GRIN2B: variants seen among roughly 807,000 people sequenced by gnomAD.
GRIN2B encodes glutamate receptor ionotropic, NMDA 2B.
In GRIN2B, 5 loss-of-function variants were observed where a neutral mutation model predicts 114.5. The ratio of observed to expected loss-of-function variants is 0.04; its 90% CI spans 0.02 to 0.09. The LOEUF (loss-of-function observed/expected upper bound fraction) is 0.09. Among genes scored for constraint, GRIN2B ranks in the 10% least tolerant of loss-of-function variants. GRIN2B has a pLI of 1.00. For synonymous variants in GRIN2B, 787 were observed against 745.1 expected, an observed-to-expected ratio of 1.06 and a Z score of -0.92; for missense variants, 1,108 against 1,943.5, an observed-to-expected ratio of 0.57 and a Z score of 8.08.
At chr12:13,937,839 C>T (rs1348554522) in intron 2 of GRIN2B, among the ~76,000 whole-genome samples, 7 of 152,034 alleles carry the variant, frequency 4.6e-5, no homozygotes, top group Admixed American at 6.6e-5. Context: ...GGTGGACAGT[C>T]ATATGAAATT....
rs575657321 is a variant in GRIN2B at position 13,737,302 on chromosome 12, C to A, written c.1010+16015G>T. Among the ~76,000 whole-genome samples the A allele has an allele frequency of 1.5e-3, 224 of 151,868 alleles. 1 individual carries two copies. Among genetic ancestry groups the A allele is most frequent in the African/African-American group, 5.2e-3 (217 of 41,426 alleles). On this transcript the variant is annotated intron_variant, in intron 4 of 13. Transcript: ENST00000609686. ...TCTCGGCTCACTGCAAGCTCCACCT[C>A]CCAGGTTCACACCATTCTCCTGCCT...
intron 4 of GRIN2B, among the ~76,000 whole-genome samples, chr12:13,744,500 A>G (rs1339596057): frequency 6.6e-6 from 1 of 152,204 alleles, no homozygotes; most frequent in Non-Finnish European, 1.5e-5. Flanking sequence ...AAAAGCTTTA[A>G]ATGAAAGCTG....
intron 10 of GRIN2B, among the ~76,000 whole-genome samples, chr12:13,577,405 G>A (rs1454155662): frequency 3.9e-5 from 6 of 152,174 alleles, no homozygotes; most frequent in African/African-American, 2.4e-5. Context: ...ACCTCAAAGT[G>A]AATTAGTCTC....
Position 13,675,725 on chromosome 12 carries a change from T to C in GRIN2B, c.1125+20A>G, listed in dbSNP as rs11055581. ...ATTTCTACTCTACTTTGCTCAAGAA[T>C]TGTCAAAGACATGTCTTACCCTTTC... is the stretch of plus-strand genomic sequence containing the variant. On this transcript the variant is annotated intron_variant, in intron 5 of 13. Coordinates refer to ENST00000609686, the MANE Select transcript of GRIN2B (RefSeq NM_000834.5). 0.18 allele frequency: 253,495 copies of C among 1,404,056 alleles called. 25,380 individuals are homozygous for C. The highest frequency in any genetic ancestry group is 0.25 in the Middle Eastern group (1,440 of 5,686). The allele number at this position is 1,404,056 out of a possible 1,614,324, so 87.0% of individuals were successfully genotyped here.
At chr12:13,640,103 A>G (rs1032189117) in intron 5 of GRIN2B, among the ~76,000 whole-genome samples, 2 of 152,212 alleles carry the variant, frequency 1.3e-5, no homozygotes, top group African/African-American at 4.8e-5. Flanking sequence ...TGTAGATACA[A>G]GACCAGGCAT....
chr12:13,935,344 C>A (rs1056023226), intron 2 of GRIN2B, among the ~76,000 whole-genome samples: 5 of 152,182 alleles, frequency 3.3e-5, no homozygotes, highest in African/African-American at 1.2e-4. Context: ...ATGACCACAC[C>A]TTCTTTTGGG....
At chr12:13,796,925 A>G (rs1039423266) in intron 3 of GRIN2B, among the ~76,000 whole-genome samples, 3 of 152,208 alleles carry the variant, frequency 2.0e-5, no homozygotes, top group Non-Finnish European at 4.4e-5. Context: ...CAAAGATTTT[A>G]TTTGACAAAC....
At chr12:13,575,407 C>T (rs967203292) in intron 10 of GRIN2B, among the ~76,000 whole-genome samples, 1 of 152,040 alleles carries the variant, frequency 6.6e-6, no homozygotes, top group African/African-American at 2.4e-5. Flanking sequence ...GCCTGTAATC[C>T]CAGCACTTTG....
At chr12:13,851,585 C>T (rs933352432) in intron 3 of GRIN2B, among the ~76,000 whole-genome samples, 2 of 152,108 alleles carry the variant, frequency 1.3e-5, no homozygotes, top group Non-Finnish European at 2.9e-5. Flanking sequence ...GGCCAGAGTA[C>T]CTCTATTAAA....
At chr12:13,971,504 C>T (rs779378196) in intron 2 of GRIN2B, among the ~76,000 whole-genome samples, 6 of 152,216 alleles carry the variant, frequency 3.9e-5, no homozygotes, top group East Asian at 1.9e-4. Context: ...TCCTCCTCTG[C>T]GTGCCTTTAA....
rs1408253647 is a variant in GRIN2B at position 13,539,501 on chromosome 12, T to C, written c.*23282A>G. ...TCAAGGTATAGAAAGAGAGATCATT[T>C]AGAATCCATATATAAAGCCAGTAAC... On this transcript the variant is annotated 3_prime_UTR_variant, in exon 14 of 14. Coordinates refer to ENST00000609686, the MANE Select transcript of GRIN2B (RefSeq NM_000834.5). 1 of 152,240 alleles carries C rather than the reference T, an allele frequency of 6.6e-6. No homozygotes were observed. The highest frequency in any genetic ancestry group is 1.5e-5 in the Non-Finnish European group (1 of 68,048). 9.4% of individuals were successfully genotyped at this position (152,240 alleles called of 1,614,324 possible). A position where few individuals can be genotyped will look rare whatever the true frequency, so the allele number is the denominator to read the frequency against.
intron 5 of GRIN2B, among the ~76,000 whole-genome samples, chr12:13,630,858 G>C (rs2136496909): frequency 6.6e-6 from 1 of 152,242 alleles, no homozygotes. Context: ...CTTACACTGG[G>C]TAATTTATAA....
intron 10 of GRIN2B, among the ~76,000 whole-genome samples, chr12:13,606,658 C>T (rs752699681): frequency 2.0e-5 from 3 of 152,162 alleles, no homozygotes; most frequent in Non-Finnish European, 4.4e-5. Context: ...TGAGGTTGTT[C>T]TTCACCCTAT....
In GRIN2B at chr12:13,547,922, C is replaced by CAGGGTT. The variant is rs1250047454; in HGVS notation, c.*14855_*14860dup. ...CTTCTGTCAATAGGCCTTACCCAAA[C>CAGGGTT]AGGGTTATGTATATGTATGTATGTA... On this transcript the variant is annotated 3_prime_UTR_variant, in exon 14 of 14. Transcript: ENST00000609686. 7.2e-6 allele frequency: 1 copy of CAGGGTT among 139,416 alleles called. No homozygotes were observed. 8.6% of individuals were successfully genotyped at this position (139,416 alleles called of 1,614,324 possible).
intron 2 of GRIN2B, among the ~76,000 whole-genome samples, chr12:13,889,670 C>T (rs1565576595): frequency 6.6e-6 from 1 of 152,146 alleles, no homozygotes. Flanking sequence ...TTCCCCAAGA[C>T]CATGCCAAAC....
At chr12:13,609,263 C>T (rs1949328692) in intron 9 of GRIN2B, among the ~76,000 whole-genome samples, 1 of 152,222 alleles carries the variant, frequency 6.6e-6, no homozygotes, top group Admixed American at 6.5e-5. Context: ...ATTTTAACTT[C>T]CAAAAACATC....
chr12:13,719,905 C>G (rs1950491784), intron 4 of GRIN2B, among the ~76,000 whole-genome samples: 1 of 152,036 alleles, frequency 6.6e-6, no homozygotes, highest in Admixed American at 6.6e-5. Context: ...TTTATCACAA[C>G]AGTACTGCAT....
At chr12:13,902,013 A>G (rs981391264) in intron 2 of GRIN2B, among the ~76,000 whole-genome samples, 6 of 152,146 alleles carry the variant, frequency 3.9e-5, no homozygotes, top group Middle Eastern at 3.2e-3. Flanking sequence ...TGACTATAAA[A>G]GTGGGGCTCT....
intron 3 of GRIN2B, among the ~76,000 whole-genome samples, chr12:13,807,577 A>C (rs571326800): frequency 1.6e-4 from 25 of 152,220 alleles, no homozygotes; most frequent in African/African-American, 6.0e-4. Context: ...AGAGAGGGAA[A>C]AACTGTCCAA....
Sources: allele counts gnomAD v4.1 joint callset (sites outside exome capture counted in the v4.1 genomes callset), GRCh38; gene constraint gnomAD v4.1.1; transcripts MANE v1.5; gene names NCBI Gene and HGNC (gene_info 2026-07-23, HGNC 2026-07-21).